Variants in IFT80 observed in about 807,000 individuals in gnomAD.
IFT80 encodes intraflagellar transport 80, also known as intraflagellar transport protein 80 homolog.
IFT80 carries 79 observed loss-of-function variants against 107.9 expected under a neutral mutation model. That is an observed-to-expected ratio of 0.73 (90% CI 0.61 to 0.88). The LOEUF is 0.88. Ranked by LOEUF, IFT80 falls within the 40% of genes least tolerant of loss-of-function variation. IFT80 has a pLI of 0.00. For synonymous variants in IFT80, 299 were observed against 300.9 expected (o/e 0.99, Z 0.07); for missense variants, 797 against 914.2 (o/e 0.87, Z 1.65).
intron 6 of IFT80, among the ~76,000 whole-genome samples, chr3:160,362,078 T>C (rs1721531473): frequency 6.6e-6 from 1 of 152,074 alleles, no homozygotes; most frequent in South Asian, 2.1e-4. Flanking sequence ...AAAAAATCAA[T>C]GAATCCAGGA....
chr3:160,263,750 C>T (rs948030765), intron 19 of IFT80, among the ~76,000 whole-genome samples: 9 of 152,190 alleles, frequency 5.9e-5, no homozygotes, highest in African/African-American at 2.2e-4. Flanking sequence ...GATCTCAGCT[C>T]ACTGCAACCT....
At chr3:160,343,910 A>C (rs1429406094) in intron 8 of IFT80, 2 of 182,974 alleles carry the variant, frequency 1.1e-5, no homozygotes, top group Non-Finnish European at 2.4e-5. Flanking sequence ...AATATTTGTA[A>C]AAGAATTGAT....
intron 12 of IFT80, chr3:160,299,310 G>T: frequency 1.1e-6 from 1 of 900,252 alleles, no homozygotes; most frequent in Admixed American, 4.0e-5. Flanking sequence ...ATTTAGGAGA[G>T]TTATATTTCC....
rs2108188414 is a variant in IFT80, at chr3:160,257,778, T to A, written c.*747A>T. ...ACCCCCCATTTCCTCCTCCCTGCAGTCCCTGGCAACCACTATTCTCCTTTC... is the reference window on the plus strand; with the variant it reads ...ACCCCCCATTTCCTCCTCCCTGCAGACCCTGGCAACCACTATTCTCCTTTC... On this transcript the variant is annotated 3_prime_UTR_variant, in exon 20 of 20. Coordinates refer to ENST00000326448, the MANE Select transcript of IFT80 (RefSeq NM_020800.3). The A allele has an allele frequency of 6.6e-6, 1 of 152,256 alleles. No individual in the cohort carries two copies. Among genetic ancestry groups the A allele is most frequent in the East Asian group, 1.9e-4 (1 of 5,182 alleles). The allele number at this position is 152,256 out of a possible 1,614,324, so 9.4% of individuals were successfully genotyped here.
chr3:160,337,804 T>C (rs1336590546), intron 8 of IFT80, among the ~76,000 whole-genome samples: 2 of 152,190 alleles, frequency 1.3e-5, no homozygotes, highest in Non-Finnish European at 2.9e-5. Context: ...AAGTGTTTTT[T>C]TCCCTTTTCT....
At chr3:160,330,311 A>C (rs1215811958) in intron 8 of IFT80, among the ~76,000 whole-genome samples, 2 of 152,180 alleles carry the variant, frequency 1.3e-5, no homozygotes. Flanking sequence ...TTTCAAGAGA[A>C]GAGCAAAATT....
At chr3:160,365,323 T>A (rs1050033366) in intron 6 of IFT80, among the ~76,000 whole-genome samples, 2 of 152,106 alleles carry the variant, frequency 1.3e-5, no homozygotes, top group African/African-American at 4.8e-5. Context: ...ACATATAGCA[T>A]AATCTGTACA....
intron 8 of IFT80, among the ~76,000 whole-genome samples, chr3:160,354,109 G>C (rs1036547856): frequency 3.3e-5 from 5 of 152,026 alleles, no homozygotes; most frequent in Non-Finnish European, 7.4e-5. Context: ...AACTAAAATT[G>C]ACAATGTAAG....
chr3:160,361,703 G>C (rs1721505617), intron 6 of IFT80, among the ~76,000 whole-genome samples: 2 of 152,272 alleles, frequency 1.3e-5, no homozygotes, highest in Non-Finnish European at 2.9e-5. Context: ...AATCAAATTA[G>C]AACTCAGGAT....
intron 1 of IFT80, among the ~76,000 whole-genome samples, chr3:160,395,195 A>G (rs911278603): frequency 6.6e-6 from 1 of 152,178 alleles, no homozygotes; most frequent in African/African-American, 2.4e-5. Flanking sequence ...TCCACACTTG[A>G]ATCCCCTTCT....
intron 5 of IFT80, among the ~76,000 whole-genome samples, chr3:160,370,980 G>A (rs1401946837): frequency 3.3e-5 from 5 of 152,008 alleles, no homozygotes; most frequent in African/African-American, 1.2e-4. Context: ...TACTGAAAAG[G>A]GAATCTGTCT....
At chr3:160,324,194 A>C (rs1198307401) in intron 8 of IFT80, among the ~76,000 whole-genome samples, 1 of 152,202 alleles carries the variant, frequency 6.6e-6, no homozygotes, top group African/African-American at 2.4e-5. Context: ...GAATTCTACC[A>C]GAGGTACAAG....
At position 160,279,407 on chromosome 3, in the gene IFT80, G is replaced by C. The variant is rs760018090; in HGVS notation, c.1665-43C>G. ...AAAGTACAATTTAAAGTTGTATTCTGAGCAAAATTTTTCATGTATATTAAA... is the reference window on the plus strand; with the variant it reads ...AAAGTACAATTTAAAGTTGTATTCTCAGCAAAATTTTTCATGTATATTAAA... On this transcript the variant is annotated intron_variant, in intron 15 of 19. Transcript: ENST00000326448. 5 of 1,544,810 alleles carry C rather than the reference G, an allele frequency of 3.2e-6. No individual in the cohort carries two copies. The South Asian group carries it at 5.6e-5, about 17-fold the overall frequency.
intron 8 of IFT80, among the ~76,000 whole-genome samples, chr3:160,334,665 T>C (rs1719333833): frequency 6.6e-6 from 1 of 152,184 alleles, no homozygotes; most frequent in African/African-American, 2.4e-5. Flanking sequence ...TCCGCCCTCC[T>C]CAGCATCCCA....
At chr3:160,260,819 T>C (rs1021660443) in intron 19 of IFT80, among the ~76,000 whole-genome samples, 7 of 152,192 alleles carry the variant, frequency 4.6e-5, no homozygotes, top group African/African-American at 1.4e-4. Flanking sequence ...TTCAAAATCA[T>C]ACCAAAAGGC....
At chr3:160,382,189 T>A (rs969871165) in intron 2 of IFT80, among the ~76,000 whole-genome samples, 2 of 152,276 alleles carry the variant, frequency 1.3e-5, no homozygotes, top group Non-Finnish European at 2.9e-5. Flanking sequence ...GAAAAAATAA[T>A]CAAGTGTCAA....
chr3:160,315,662 C>T (rs1717763727), intron 9 of IFT80, among the ~76,000 whole-genome samples: 3 of 152,120 alleles, frequency 2.0e-5, no homozygotes, highest in African/African-American at 7.2e-5. Context: ...CCTTTCTCCC[C>T]TTTTCCAAAT....
In IFT80 at chr3:160,285,831, T is replaced by C; in HGVS notation, c.1353A>G (p.Leu451=). Residue 451 remains leucine (L), a synonymous_variant, in exon 13 of 20, where the codon TTA becomes TTG. Coordinates refer to ENST00000326448, the MANE Select transcript of IFT80 (RefSeq NM_020800.3). ...FLFEASTGKP[L]GDGKFLSHKN... ...TATGAGAAAGAAACTTTCCATCACC[T>C]AACGGCTTTCCGGTTGATGCCTCAA... 1 of 1,612,038 alleles carries C rather than the reference T, an allele frequency of 6.2e-7. No individual in the cohort carries two copies. The highest frequency in any genetic ancestry group is 8.5e-7 in the Non-Finnish European group (1 of 1,178,480).
intron 5 of IFT80, among the ~76,000 whole-genome samples, chr3:160,370,242 T>C (rs539802392): frequency 1.3e-5 from 2 of 152,286 alleles, no homozygotes; most frequent in South Asian, 2.1e-4. Flanking sequence ...AGTATCGGTC[T>C]ATATTGAGTG....
Sources: gnomAD v4.1 joint callset for allele counts (sites outside exome capture counted in the v4.1 genomes callset) on GRCh38, gnomAD v4.1.1 for gene constraint, MANE v1.5 for transcripts, NCBI Gene and HGNC (gene_info 2026-07-23, HGNC 2026-07-21) for gene names.